BMPER: variants seen among roughly 807,000 people sequenced by gnomAD.
BMPER encodes the protein BMP-binding endothelial regulator protein.
Under a neutral mutation model 87.3 loss-of-function variants are expected in BMPER, and 45 were observed. The observed-to-expected ratio is 0.52, with a 90% CI of 0.41 to 0.66. BMPER has a LOEUF of 0.66. BMPER is among the 30% of genes least tolerant of loss of function. The probability of loss-of-function intolerance (pLI) is 0.00; values close to 1 mark genes in which losing one functional copy is unlikely to be tolerated. For missense variants in BMPER, 784 were observed against 867.5 expected, an observed-to-expected ratio of 0.90 and a Z score of 1.21; for synonymous variants, 326 against 316.2, an observed-to-expected ratio of 1.03 and a Z score of -0.33.
At chr7:34,001,667 G>A (rs1025108329) in intron 6 of BMPER, among the ~76,000 whole-genome samples, 1 of 149,208 alleles carries the variant, frequency 6.7e-6, no homozygotes, top group Admixed American at 6.7e-5. Context: ...TTCTATTCTC[G>A]ATTTCACATA....
intron 6 of BMPER, among the ~76,000 whole-genome samples, chr7:34,016,065 G>A (rs80218969): frequency 6.6e-6 from 1 of 151,804 alleles, no homozygotes; most frequent in East Asian, 2.0e-4. Context: ...AGGTTTTAAG[G>A]CTTTTACAGA....
At chr7:33,937,672 G>C in intron 3 of BMPER, 1 of 447,066 alleles carries the variant, frequency 2.2e-6, no homozygotes, top group Admixed American at 3.4e-5. Context: ...TCGTAGAGAA[G>C]AGTCAACCAC....
At chr7:34,039,795 A>C (rs1439003990) in intron 6 of BMPER, among the ~76,000 whole-genome samples, 1 of 152,108 alleles carries the variant, frequency 6.6e-6, no homozygotes, top group Non-Finnish European at 1.5e-5. Flanking sequence ...CAGTAAGTGC[A>C]CTGCCCTCTA....
intron 13 of BMPER, among the ~76,000 whole-genome samples, chr7:34,100,726 G>A (rs1480335092): frequency 6.6e-6 from 1 of 152,156 alleles, no homozygotes; most frequent in Non-Finnish European, 1.5e-5. Flanking sequence ...ATCTGGTGCA[G>A]TGGCCTTAGG....
rs147937818 is a variant in BMPER at position 34,063,166 on chromosome 7, G to C, written c.1078+1119G>C. Reference sequence around the variant, plus strand: ...AATTAGTTCCCATGTATGATAAGTAGGATTAACAAAGTCATAAAGTCTATC... The same window carrying C: ...AATTAGTTCCCATGTATGATAAGTACGATTAACAAAGTCATAAAGTCTATC... On this transcript the variant is annotated intron_variant, in intron 11 of 14. Transcript: ENST00000649409. Among the ~76,000 whole-genome samples, 50 of 152,294 alleles carry C rather than the reference G, an allele frequency of 3.3e-4. No individual in the cohort carries two copies. The East Asian group carries it at 9.4e-3, about 29-fold the overall frequency.
At chr7:34,023,599 A>G (rs922202694) in intron 6 of BMPER, among the ~76,000 whole-genome samples, 10 of 152,030 alleles carry the variant, frequency 6.6e-5, no homozygotes, top group East Asian at 1.9e-4. Context: ...ATCATCTTCA[A>G]ATCTTCTGAG....
intron 12 of BMPER, among the ~76,000 whole-genome samples, chr7:34,083,755 T>C (rs985854522): frequency 3.3e-5 from 5 of 152,124 alleles, no homozygotes; most frequent in Non-Finnish European, 5.9e-5. Flanking sequence ...GTTGCTGCCT[T>C]ATGCCAATTT....
intron 2 of BMPER, among the ~76,000 whole-genome samples, chr7:33,913,621 G>A (rs547643646): frequency 3.9e-5 from 6 of 152,090 alleles, no homozygotes; most frequent in Non-Finnish European, 8.8e-5. Flanking sequence ...GAGTATTTAC[G>A]TGAATACCAA....
intron 6 of BMPER, among the ~76,000 whole-genome samples, chr7:34,029,276 T>A (rs1193613406): frequency 6.6e-6 from 1 of 152,110 alleles, no homozygotes; most frequent in East Asian, 1.9e-4. Flanking sequence ...TTGGGAAAGC[T>A]GGTTCAAACC....
intron 6 of BMPER, among the ~76,000 whole-genome samples, chr7:34,016,375 T>C (rs1329370483): frequency 1.3e-5 from 2 of 151,940 alleles, no homozygotes; most frequent in African/African-American, 4.8e-5. Flanking sequence ...AATGTTCAAA[T>C]CTACCTGTGT....
intron 13 of BMPER, among the ~76,000 whole-genome samples, chr7:34,126,908 A>G (rs1191281074): frequency 6.6e-6 from 1 of 152,242 alleles, no homozygotes; most frequent in Non-Finnish European, 1.5e-5. Flanking sequence ...GTGACTAAGC[A>G]GCATTATTAA....
At chr7:34,137,907 GATCCTA>G (rs976278312) in intron 13 of BMPER, among the ~76,000 whole-genome samples, 3 of 152,132 alleles carry the variant, frequency 2.0e-5, no homozygotes, top group Non-Finnish European at 4.4e-5. Context: ...AGGTGAGCTT[GATCCTA>G]ATCTCAGTAT....
At chr7:34,005,930 AT>A (rs1361650156) in intron 6 of BMPER, among the ~76,000 whole-genome samples, 2 of 152,054 alleles carry the variant, frequency 1.3e-5, no homozygotes, top group African/African-American at 4.8e-5. Context: ...TATTTAAAAA[AT>A]ATACTCACTA....
At chr7:34,008,976 C>T (rs887709705) in intron 6 of BMPER, among the ~76,000 whole-genome samples, 2 of 151,824 alleles carry the variant, frequency 1.3e-5, no homozygotes, top group African/African-American at 4.8e-5. Flanking sequence ...TGAGTAGACA[C>T]TGTGCCTGGC....
At chr7:34,034,026 A>C (rs1180446815) in intron 6 of BMPER, among the ~76,000 whole-genome samples, 1 of 152,094 alleles carries the variant, frequency 6.6e-6, no homozygotes, top group Non-Finnish European at 1.5e-5. Context: ...AGACCTTTGG[A>C]GTTAAGCATG....
intron 2 of BMPER, among the ~76,000 whole-genome samples, chr7:33,922,909 G>A (rs962391613): frequency 6.6e-6 from 1 of 152,238 alleles, no homozygotes; most frequent in African/African-American, 2.4e-5. Flanking sequence ...TCTAATATGT[G>A]GGAAGGAAAT....
rs186857155 is a variant in BMPER, at chr7:33,907,024, C to G, written c.219+121C>G. On this transcript the variant is annotated intron_variant, in intron 2 of 14. Transcript: ENST00000649409. ...TTTATCATTACAAAATTGCACATAA[C>G]TGTACATAGTTTGTGAGTTGAATCC... The G allele has an allele frequency of 4.2e-3, 4,024 of 958,800 alleles. 21 individuals carry two copies. Among genetic ancestry groups the G allele is most frequent in the Middle Eastern group, 7.4e-3 (36 of 4,846 alleles). 59.4% of individuals were successfully genotyped at this position (958,800 alleles called of 1,614,324 possible). A position where few individuals can be genotyped will look rare whatever the true frequency, so the allele number is the denominator to read the frequency against.
At chr7:33,961,209 A>G (rs1261530919) in intron 3 of BMPER, among the ~76,000 whole-genome samples, 1 of 152,166 alleles carries the variant, frequency 6.6e-6, no homozygotes, top group Non-Finnish European at 1.5e-5. Flanking sequence ...ACAGCAGAAT[A>G]GAGGATGAAG....
At chr7:33,995,528 T>G (rs1171865793) in intron 6 of BMPER, among the ~76,000 whole-genome samples, 1 of 152,186 alleles carries the variant, frequency 6.6e-6, no homozygotes, top group Non-Finnish European at 1.5e-5. Context: ...AATCTTATAT[T>G]CCTAAGCTCA....
Sources: gnomAD v4.1 joint callset for allele counts (sites outside exome capture counted in the v4.1 genomes callset) on GRCh38, gnomAD v4.1.1 for gene constraint, MANE v1.5 for transcripts, NCBI Gene and HGNC (gene_info 2026-07-23, HGNC 2026-07-21) for gene names.